The following DNAH12 variants were observed in gnomAD, a reference collection of about 807,000 sequenced individuals.
DNAH12 encodes the protein axonemal beta dynein heavy chain 12.
Under a neutral mutation model 371.5 loss-of-function variants are expected in DNAH12, and 285 were observed. That is an observed-to-expected ratio of 0.77 (90% CI 0.70 to 0.85). The LOEUF (loss-of-function observed/expected upper bound fraction) is 0.85, where lower values mean the gene tolerates loss of function less well. Ranked by LOEUF, DNAH12 falls within the 40% of genes least tolerant of loss-of-function variation. The pLI is 0.00. For synonymous variants in DNAH12, 1,200 were observed against 1,213.0 expected, an observed-to-expected ratio of 0.99 and a Z score of 0.22; for missense variants, 3,611 against 3,689.4, an observed-to-expected ratio of 0.98 and a Z score of 0.55.
chr3:57,450,240 T>A (rs1232612039), intron 25 of DNAH12, among the ~76,000 whole-genome samples: 1 of 93,426 alleles, frequency 1.1e-5, no homozygotes, highest in African/African-American at 3.9e-5. Context: ...AGAGTGAGAC[T>A]GTCTCAATTT....
At chr3:57,500,550 G>C (rs1380774598) in intron 11 of DNAH12, among the ~76,000 whole-genome samples, 1 of 151,880 alleles carries the variant, frequency 6.6e-6, no homozygotes, top group Non-Finnish European at 1.5e-5. Flanking sequence ...TATATTCTCT[G>C]AACACCCTGG....
intron 2 of DNAH12, chr3:57,536,186 A>AT (rs1430461489): frequency 6.6e-6 from 1 of 152,210 alleles, no homozygotes; most frequent in African/African-American, 2.4e-5. Flanking sequence ...AGTTATAGCA[A>AT]TAAAAAATAG....
At chr3:57,543,977 G>A (rs1294976248) in intron 1 of DNAH12, among the ~76,000 whole-genome samples, 2 of 152,154 alleles carry the variant, frequency 1.3e-5, no homozygotes, top group African/African-American at 4.8e-5. Flanking sequence ...AACCTGGGAG[G>A]CAGAGGTTGC....
chr3:57,400,174 G>T (rs1359002615), intron 43 of DNAH12, among the ~76,000 whole-genome samples: 2 of 152,186 alleles, frequency 1.3e-5, no homozygotes, highest in African/African-American at 4.8e-5. Context: ...TGTAATCCCA[G>T]CTACTCAGGA....
intron 25 of DNAH12, among the ~76,000 whole-genome samples, chr3:57,447,237 C>T (rs1206546873): frequency 6.6e-6 from 1 of 152,172 alleles, no homozygotes; most frequent in Non-Finnish European, 1.5e-5. Flanking sequence ...TCACTTTCTA[C>T]CTTGTATTAT....
At chr3:57,370,630 C>G (rs2153336344) in intron 55 of DNAH12, among the ~76,000 whole-genome samples, 1 of 152,312 alleles carries the variant, frequency 6.6e-6, no homozygotes, top group South Asian at 2.1e-4. Flanking sequence ...CTTCTTCCTC[C>G]TAGTACTGAT....
chr3:57,302,562 TATG>T (rs2061379281), intron 69 of DNAH12, among the ~76,000 whole-genome samples: 9 of 90,680 alleles, frequency 9.9e-5, no homozygotes, highest in East Asian at 4.9e-4. Context: ...TATATATATA[TATG>T]TATTTTTTTT....
At chr3:57,468,614 A>T (rs9878203) in intron 17 of DNAH12, 122 bp downstream of exon 17, 95,740 of 595,058 alleles carry the variant, frequency 0.16, 8,753 homozygotes, top group African/African-American at 0.33. Flanking sequence ...CTCAAAAATT[A>T]TTAATAATAA....
At chr3:57,378,877 G>A (rs878885794) in intron 52 of DNAH12, among the ~76,000 whole-genome samples, 99,642 of 151,910 alleles carry the variant, frequency 0.66, 33,356 homozygotes, top group Non-Finnish European at 0.75. Context: ...TCTTAATTCC[G>A]TTTTCTCCTG....
Position 57,520,447 on chromosome 3 carries a change from A to AT in DNAH12, c.279+3135dup, listed in dbSNP as rs1295343503. Among the ~76,000 whole-genome samples the AT allele has an allele frequency of 3.7e-3, 124 of 33,340 alleles. 2 individuals are homozygous for AT. The highest frequency in any genetic ancestry group is 0.019 in the East Asian group (66 of 3,434). The allele number at this position is 33,340 out of a possible 152,430, so 21.9% of individuals were successfully genotyped here. On this transcript the variant is annotated intron_variant, in intron 4 of 73. Transcript: ENST00000495027. ...TTATTTTATTATTTTATTTATTATT[A>AT]TTATTTTTTTTTTGAGACGGAGTCT...
At chr3:57,362,229 G>T (rs1250275812) in intron 58 of DNAH12, among the ~76,000 whole-genome samples, 5 of 152,092 alleles carry the variant, frequency 3.3e-5, no homozygotes, top group African/African-American at 1.2e-4. Context: ...GTATTCCATG[G>T]TCTATATGTG....
At chr3:57,381,091 G>A (rs1022748185) in intron 50 of DNAH12, among the ~76,000 whole-genome samples, 2 of 152,040 alleles carry the variant, frequency 1.3e-5, no homozygotes, top group African/African-American at 2.4e-5. Flanking sequence ...CTCTCCAAGC[G>A]AAATTAAAGG....
chr3:57,428,994 G>T (rs991572855), intron 33 of DNAH12, among the ~76,000 whole-genome samples, 173 bp from the exon 34 acceptor site: 8 of 152,150 alleles, frequency 5.3e-5, no homozygotes. Flanking sequence ...TTGCAGTTCA[G>T]TTCCCCAGAT....
chr3:57,406,902 CTTTT>C (rs1192831342), intron 40 of DNAH12, among the ~76,000 whole-genome samples: 13 of 151,578 alleles, frequency 8.6e-5, no homozygotes, highest in South Asian at 2.1e-4. Flanking sequence ...AACAAAAAAA[CTTTT>C]TTTTTATTTT....
chr3:57,428,214 A>C (rs1184720512), intron 34 of DNAH12: 1 of 488,094 alleles, frequency 2.0e-6, no homozygotes, highest in African/African-American at 2.1e-5. Flanking sequence ...TATAGGAGTG[A>C]GCCACCGTGG....
chr3:57,389,839 T>A (rs1443691349), intron 45 of DNAH12, among the ~76,000 whole-genome samples: 956 of 83,610 alleles, frequency 0.011, 36 homozygotes, highest in African/African-American at 0.015. Flanking sequence ...TATATATATA[T>A]AATACTTTTT....
intron 62 of DNAH12, among the ~76,000 whole-genome samples, chr3:57,328,291 C>T (rs1025520487): frequency 1.3e-5 from 2 of 151,846 alleles, no homozygotes; most frequent in African/African-American, 2.4e-5. Context: ...CCTTGATGAA[C>T]ATTGATGCAA....
chr3:57,470,674 A>G, intron 15 of DNAH12, 38 bp from the exon 16 acceptor site: 1 of 1,439,344 alleles, frequency 6.9e-7, no homozygotes, highest in Non-Finnish European at 9.3e-7. Context: ...AAAAAAATTC[A>G]AGTAATGTTA....
intron 72 of DNAH12, among the ~76,000 whole-genome samples, 186 bp downstream of exon 72, chr3:57,296,156 CTA>C (rs1489015911): frequency 1.3e-5 from 2 of 152,076 alleles, no homozygotes; most frequent in Non-Finnish European, 2.9e-5. Context: ...GAAATATTGA[CTA>C]AAAATTATTC....
Sources: allele counts gnomAD v4.1 joint callset (sites outside exome capture counted in the v4.1 genomes callset), GRCh38; gene constraint gnomAD v4.1.1; transcripts MANE v1.5; gene names NCBI Gene and HGNC (gene_info 2026-07-23, HGNC 2026-07-21).